The following MECOM variants were observed in gnomAD, a reference collection of about 807,000 sequenced individuals.
The protein encoded by MECOM is MDS1 and EVI1 complex locus.
Under a neutral mutation model 116.3 loss-of-function variants are expected in MECOM, and 13 were observed. The ratio of observed to expected loss-of-function variants is 0.11; its 90% CI spans 0.07 to 0.18. The LOEUF is 0.18. Ranked by LOEUF, MECOM falls within the 10% of genes least tolerant of loss-of-function variation. The pLI is 1.00. For missense variants in MECOM, 1,299 were observed against 1,509.0 expected (o/e 0.86, Z 2.31); for synonymous variants, 528 against 535.2 (o/e 0.99, Z 0.19).
At chr3:169,396,155 T>C (rs1734995163) in intron 1 of MECOM, among the ~76,000 whole-genome samples, 1 of 152,220 alleles carries the variant, frequency 6.6e-6, no homozygotes, top group African/African-American at 2.4e-5. Context: ...CTTCCTGTTC[T>C]ATAGTATGAA....
At chr3:169,378,583 AAAGTAAGTAAGT>A (rs56896782) in intron 2 of MECOM, among the ~76,000 whole-genome samples, 689 of 63,946 alleles carry the variant, frequency 0.011, 34 homozygotes, top group Middle Eastern at 0.037. Flanking sequence ...AGAAAGAAAG[AAAGTAAGTAAGT>A]AAGTTTGGGG....
At chr3:169,543,704 C>A (rs917578407) in intron 1 of MECOM, among the ~76,000 whole-genome samples, 1 of 152,082 alleles carries the variant, frequency 6.6e-6, no homozygotes, top group African/African-American at 2.4e-5. Flanking sequence ...AAAGTACAGA[C>A]AACATTCTTA....
At chr3:169,180,335 A>AAT (rs534620371) in intron 2 of MECOM, among the ~76,000 whole-genome samples, 130 of 152,100 alleles carry the variant, frequency 8.5e-4, no homozygotes, top group African/African-American at 3.0e-3. Flanking sequence ...TGTCAATATT[A>AAT]ATATATATAT....
intron 2 of MECOM, among the ~76,000 whole-genome samples, chr3:169,151,370 A>G (rs1174350977): frequency 2.0e-5 from 3 of 152,224 alleles, no homozygotes; most frequent in South Asian, 4.1e-4. Flanking sequence ...TCACCCTGAC[A>G]TTATGTTTTT....
intron 1 of MECOM, among the ~76,000 whole-genome samples, chr3:169,415,632 A>T (rs192142628): frequency 3.3e-5 from 5 of 152,072 alleles, no homozygotes; most frequent in Non-Finnish European, 5.9e-5. Flanking sequence ...TATTCAGGAG[A>T]CCCATCTCAT....
intron 1 of MECOM, among the ~76,000 whole-genome samples, chr3:169,592,479 T>C (rs1325516664): frequency 6.6e-6 from 1 of 152,166 alleles, no homozygotes; most frequent in Non-Finnish European, 1.5e-5. Flanking sequence ...ATCCTTTCCT[T>C]CCAGCCTTCT....
intron 1 of MECOM, among the ~76,000 whole-genome samples, chr3:169,499,365 A>C (rs1476446078): frequency 6.9e-6 from 1 of 145,314 alleles, no homozygotes; most frequent in East Asian, 2.5e-4. Context: ...AAAAAAAAAA[A>C]AAAAAAAGAG....
intron 1 of MECOM, among the ~76,000 whole-genome samples, chr3:169,536,137 T>C (rs1452427230): frequency 6.6e-6 from 1 of 152,180 alleles, no homozygotes; most frequent in Non-Finnish European, 1.5e-5. Context: ...TGCCTTGTTC[T>C]GTCCTCTTTC....
rs57200301 is a variant in MECOM, at chr3:169,522,426, A to T, written c.38-140902T>A. ...AATATGAATCCTCAGTCTATATCAG[A>T]CCCATTATTGATATAATAACAGACT... On this transcript the variant is annotated intron_variant, in intron 1 of 16. Coordinates refer to ENST00000651503, the MANE Select transcript of MECOM (RefSeq NM_004991.4). 0.017 allele frequency among the ~76,000 whole-genome samples: 2,653 copies of T among 152,074 alleles called. 235 individuals are homozygous for T. In the East Asian group the frequency reaches 0.3, roughly 17 times the overall value.
intron 13 of MECOM, among the ~76,000 whole-genome samples, chr3:169,093,582 C>T (rs545739118): frequency 1.3e-5 from 2 of 152,216 alleles, no homozygotes; most frequent in Non-Finnish European, 2.9e-5. Flanking sequence ...ATTCTGCATC[C>T]TGGTTTGCTG....
intron 1 of MECOM, among the ~76,000 whole-genome samples, chr3:169,539,910 TGAA>T (rs1402295990): frequency 6.6e-6 from 1 of 152,090 alleles, no homozygotes; most frequent in Admixed American, 6.5e-5. Flanking sequence ...TGAAGAAAAA[TGAA>T]GAGCTACAAG....
chr3:169,401,872 CA>C (rs1350858376), intron 1 of MECOM, among the ~76,000 whole-genome samples: 1 of 152,144 alleles, frequency 6.6e-6, no homozygotes, highest in Non-Finnish European at 1.5e-5. Flanking sequence ...AGTGAGGATC[CA>C]AACAATCAAA....
intron 2 of MECOM, chr3:169,147,406 C>A (rs1473130716): frequency 3.0e-6 from 3 of 985,324 alleles, no homozygotes; most frequent in African/African-American, 1.7e-5. Flanking sequence ...AGGATCTGCT[C>A]GGCCATCCAG....
chr3:169,617,743 G>A (rs1050930613), intron 1 of MECOM, among the ~76,000 whole-genome samples: 5 of 152,168 alleles, frequency 3.3e-5, no homozygotes, highest in Non-Finnish European at 5.9e-5. Flanking sequence ...TGGGAGGGGC[G>A]GGATTATAAA....
chr3:169,146,618 C>CG lies in MECOM; in HGVS notation c.376-2787dup, dbSNP rs758845957. Reference sequence around the variant, plus strand: ...GGCGAGGAGGAAAGAAGGCTGGGGGCGGGGGGCGCCCGTAGAAACGGTGCC... The same window carrying CG: ...GGCGAGGAGGAAAGAAGGCTGGGGGCGGGGGGGCGCCCGTAGAAACGGTGCC... On this transcript the variant is annotated intron_variant, in intron 2 of 16. Transcript: ENST00000651503. 19 of 1,368,724 alleles carry CG rather than the reference C, an allele frequency of 1.4e-5. No homozygotes were observed. The East Asian group carries it at 7.4e-4, about 53-fold the overall frequency. The allele number at this position is 1,368,724 out of a possible 1,614,324, so 84.8% of individuals were successfully genotyped here. A position where few individuals can be genotyped will look rare whatever the true frequency, so the allele number is the denominator to read the frequency against.
At chr3:169,396,306 C>T (rs570333336) in intron 1 of MECOM, among the ~76,000 whole-genome samples, 1 of 152,154 alleles carries the variant, frequency 6.6e-6, no homozygotes, top group Admixed American at 6.5e-5. Context: ...GTATTTGAGC[C>T]TCAGTTTCTT....
At chr3:169,282,046 C>A (rs1055871597) in intron 2 of MECOM, among the ~76,000 whole-genome samples, 4 of 152,158 alleles carry the variant, frequency 2.6e-5, no homozygotes, top group African/African-American at 9.7e-5. Flanking sequence ...ATGTTAAGCA[C>A]TGAATATTCG....
chr3:169,638,906 T>A (rs116769225), intron 1 of MECOM, among the ~76,000 whole-genome samples: 322 of 152,292 alleles, frequency 2.1e-3, no homozygotes, highest in Middle Eastern at 0.014. Flanking sequence ...ACATGATTAG[T>A]TCTCACCAGT....
chr3:169,259,667 G>T (rs981523548), intron 2 of MECOM, among the ~76,000 whole-genome samples: 1 of 152,184 alleles, frequency 6.6e-6, no homozygotes, highest in African/African-American at 2.4e-5. Flanking sequence ...AGGTCAAGCT[G>T]CAGTGAGCCA....
Sources: allele counts gnomAD v4.1 joint callset (sites outside exome capture counted in the v4.1 genomes callset), GRCh38; gene constraint gnomAD v4.1.1; transcripts MANE v1.5; gene names NCBI Gene and HGNC (gene_info 2026-07-23, HGNC 2026-07-21).